Variants in RAB31 observed in about 807,000 individuals in gnomAD.
The protein encoded by RAB31 is ras-related protein Rab-31.
Under a neutral mutation model 25.6 loss-of-function variants are expected in RAB31, and 21 were observed. That is an observed-to-expected ratio of 0.82 (90% CI 0.58 to 1.18). RAB31 has a LOEUF of 1.18. Among genes scored for constraint, RAB31 ranks in the 50% most tolerant of loss-of-function variants. The pLI is 0.00. For missense variants in RAB31, 196 were observed against 250.1 expected (o/e 0.78, Z 1.46); for synonymous variants, 87 against 84.0 (o/e 1.04, Z -0.20).
intron 5 of RAB31, among the ~76,000 whole-genome samples, chr18:9,826,341 A>C (rs1426253991): frequency 6.6e-6 from 1 of 152,184 alleles, no homozygotes; most frequent in Non-Finnish European, 1.5e-5. Flanking sequence ...GCACCACTGC[A>C]TTCCAGCCTG....
intron 3 of RAB31, among the ~76,000 whole-genome samples, chr18:9,806,985 G>A (rs1196980848): frequency 6.6e-6 from 1 of 152,198 alleles, no homozygotes; most frequent in African/African-American, 2.4e-5. Flanking sequence ...GATCTCTCTG[G>A]TGGCTGTGTG....
intron 3 of RAB31, among the ~76,000 whole-genome samples, chr18:9,795,776 C>T (rs183176703): frequency 6.6e-6 from 1 of 152,308 alleles, no homozygotes; most frequent in Admixed American, 6.5e-5. Context: ...CAGTTTTACA[C>T]TCTTGATGGG....
At chr18:9,857,894 G>A (rs916978650) in intron 6 of RAB31, among the ~76,000 whole-genome samples, 7 of 151,866 alleles carry the variant, frequency 4.6e-5, no homozygotes, top group Non-Finnish European at 8.8e-5. Flanking sequence ...TCGGGGCATG[G>A]TGGCGCACAC....
intron 4 of RAB31, among the ~76,000 whole-genome samples, chr18:9,814,440 A>T (rs187253863): frequency 6.6e-6 from 1 of 152,352 alleles, no homozygotes; most frequent in Non-Finnish European, 1.5e-5. Flanking sequence ...TTAAAATGCC[A>T]AGCATAACAT....
Position 9,754,618 on chromosome 18 carries a change from C to T in RAB31, c.40-20660C>T, listed in dbSNP as rs145132621. On this transcript the variant is annotated intron_variant, in intron 1 of 6. Transcript: ENST00000578921. Reference sequence around the variant, plus strand: ...TGTAATTATTCCTTAAACAATATGGCATAACAACTATTTACATAGCATTTA... The same window carrying T: ...TGTAATTATTCCTTAAACAATATGGTATAACAACTATTTACATAGCATTTA... 1.8e-3 allele frequency among the ~76,000 whole-genome samples: 273 copies of T among 152,198 alleles called. 1 individual carries two copies. The highest frequency in any genetic ancestry group is 6.3e-3 in the African/African-American group (261 of 41,534).
chr18:9,764,392 A>G (rs772299362), intron 1 of RAB31, among the ~76,000 whole-genome samples: 28 of 152,104 alleles, frequency 1.8e-4, no homozygotes, highest in African/African-American at 4.6e-4. Flanking sequence ...TCCTGGAGAG[A>G]TGGTTTGGCT....
At chr18:9,728,401 A>G (rs1173711059) in intron 1 of RAB31, among the ~76,000 whole-genome samples, 1 of 152,270 alleles carries the variant, frequency 6.6e-6, no homozygotes, top group Non-Finnish European at 1.5e-5. Context: ...ACGTTGGGTC[A>G]GAGAATAGGA....
chr18:9,841,092 G>A (rs2068731150), intron 5 of RAB31, among the ~76,000 whole-genome samples: 1 of 151,968 alleles, frequency 6.6e-6, no homozygotes, highest in Admixed American at 6.6e-5. Context: ...CATCACACCT[G>A]GCTAATTTTT....
chr18:9,841,576 T>G (rs571440053), intron 5 of RAB31, among the ~76,000 whole-genome samples: 6 of 150,968 alleles, frequency 4.0e-5, no homozygotes, highest in Admixed American at 3.3e-4. Context: ...TTGGCTTTAT[T>G]CATGATTCTA....
intron 3 of RAB31, among the ~76,000 whole-genome samples, chr18:9,809,041 T>A (rs537995629): frequency 1.9e-5 from 2 of 107,456 alleles, no homozygotes; most frequent in Non-Finnish European, 4.3e-5. Context: ...TGCTGAGGGG[T>A]GTGTGTGTGT....
Position 9,708,546 on chromosome 18 carries a change from T to C in RAB31, c.39+102T>C. The C allele has an allele frequency of 1.9e-6, 2 of 1,025,844 alleles. No homozygotes were observed. The highest frequency in any genetic ancestry group is 4.0e-5 in the South Asian group (2 of 49,994). 63.5% of individuals were successfully genotyped at this position (1,025,844 alleles called of 1,614,324 possible). ...CTCAGTCCCCGTGATCCCCTCGCTC[T>C]CCGCACCCCTCTCGTAGCCCCCGTC... On this transcript the variant is annotated intron_variant, in intron 1 of 6. Transcript: ENST00000578921. This position sits in a 1 kb window ranked among gnomAD's most constrained non-coding sequence, Gnocchi z 6.4.
At chr18:9,784,967 T>C (rs373355966) in intron 2 of RAB31, 2 of 152,316 alleles carry the variant, frequency 1.3e-5, no homozygotes, top group East Asian at 3.9e-4. Context: ...GCAAAAGTTA[T>C]GTTAAAATAG....
intron 1 of RAB31, among the ~76,000 whole-genome samples, chr18:9,710,318 T>C (rs1038153619): frequency 2.0e-5 from 3 of 152,246 alleles, no homozygotes; most frequent in African/African-American, 7.2e-5. Flanking sequence ...TTAAGATACA[T>C]GTTACCATTT....
chr18:9,809,128 C>T (rs1001893133), intron 3 of RAB31, among the ~76,000 whole-genome samples: 13 of 152,332 alleles, frequency 8.5e-5, no homozygotes, highest in Admixed American at 5.2e-4. Flanking sequence ...GCACACTACA[C>T]GGAAGGCGAG....
At chr18:9,723,285 TG>T (rs2068081478) in intron 1 of RAB31, among the ~76,000 whole-genome samples, 1 of 152,086 alleles carries the variant, frequency 6.6e-6, no homozygotes, top group South Asian at 2.1e-4. Context: ...TGACCTCAGG[TG>T]ATCTCCCTGC....
intron 3 of RAB31, among the ~76,000 whole-genome samples, chr18:9,806,140 G>A (rs1431449568): frequency 6.7e-6 from 1 of 149,904 alleles, no homozygotes; most frequent in Non-Finnish European, 1.5e-5. Flanking sequence ...TGGCGCCAGT[G>A]CACTCCAGCC....
chr18:9,762,804 C>T (rs573548400), intron 1 of RAB31, among the ~76,000 whole-genome samples: 3 of 152,010 alleles, frequency 2.0e-5, no homozygotes, highest in Admixed American at 1.3e-4. Flanking sequence ...TGCGGGCTTC[C>T]TTAAGAGCTG....
intron 3 of RAB31, among the ~76,000 whole-genome samples, chr18:9,799,594 T>C (rs2143044878): frequency 6.6e-6 from 1 of 152,246 alleles, no homozygotes; most frequent in East Asian, 1.9e-4. Flanking sequence ...ATTCCTGGGC[T>C]CAAGCGATTC....
At chr18:9,817,418 A>G (rs2068604582) in intron 5 of RAB31, among the ~76,000 whole-genome samples, 1 of 152,206 alleles carries the variant, frequency 6.6e-6, no homozygotes, top group Non-Finnish European at 1.5e-5. Flanking sequence ...TCCACATGGT[A>G]AAAACAGAAC....
Sources: gnomAD v4.1 joint callset for allele counts (sites outside exome capture counted in the v4.1 genomes callset) on GRCh38, gnomAD v4.1.1 for gene constraint, Gnocchi (gnomAD v3.1) non-coding constraint, MANE v1.5 for transcripts, NCBI Gene and HGNC (gene_info 2026-07-23, HGNC 2026-07-21) for gene names.